Variants in ZDHHC24 observed in about 807,000 individuals in gnomAD.
The protein encoded by ZDHHC24 is zDHHC palmitoyltransferase 24, also known as probable palmitoyltransferase ZDHHC24.
ZDHHC24 carries 17 observed loss-of-function variants against 23.2 expected under a neutral mutation model. That is an observed-to-expected ratio of 0.73 (90% CI 0.50 to 1.10). The LOEUF (loss-of-function observed/expected upper bound fraction) is 1.10, where lower values mean the gene tolerates loss of function less well. ZDHHC24 is among the 50% of genes least tolerant of loss of function. The pLI, the probability that ZDHHC24 is intolerant of heterozygous loss-of-function variation, is 0.00. For synonymous variants in ZDHHC24, 186 were observed against 194.5 expected (o/e 0.96, Z 0.36); for missense variants, 366 against 393.0 (o/e 0.93, Z 0.58).
At chr11:66,520,843 C>T (rs1189842241), downstream of ZDHHC24, 2 of 301,688 alleles carry the variant, frequency 6.6e-6, no homozygotes, top group Non-Finnish European at 1.3e-5. Flanking sequence ...AAACAGTCCT[C>T]TCACCTCATC....
chr11:66,534,317 C>T (rs915936080), downstream of ZDHHC24, among the ~76,000 whole-genome samples: 18 of 151,618 alleles, frequency 1.2e-4, no homozygotes, highest in Admixed American at 7.9e-4. Flanking sequence ...GTGGCAGGCG[C>T]GTGTAATCCC....
At chr11:66,526,991 C>T in exon 4 of ZDHHC24, 2 of 1,540,164 alleles carry the variant, frequency 1.3e-6, no homozygotes, top group South Asian at 2.4e-5. Flanking sequence ...ATCACTGTTC[C>T]TCAGGCTGGA....
chr11:66,524,958 T>A (rs1207649077), intron 4 of ZDHHC24, among the ~76,000 whole-genome samples: 2 of 152,054 alleles, frequency 1.3e-5, no homozygotes, highest in Non-Finnish European at 2.9e-5. Context: ...CCCAGCACTT[T>A]GGGAGGCCGA....
rs746875134 is a variant in ZDHHC24, at chr11:66,523,577, G to C, written c.*22-2111C>G. On this transcript the variant is annotated intron_variant, in intron 4 of 4. Transcript: ENST00000526986. Reference sequence around the variant, plus strand: ...CAGCCTGCATGGCTTCACCCACAAGGTGCAGCCCCCAGCAAGCAGCAGCCC... The same window carrying C: ...CAGCCTGCATGGCTTCACCCACAAGCTGCAGCCCCCAGCAAGCAGCAGCCC... 6.2e-7 allele frequency: 1 copy of C among 1,614,016 alleles called. No individual in the cohort carries two copies. The highest frequency in any genetic ancestry group is 1.3e-5 in the African/African-American group (1 of 74,918).
rs1380769257 is a variant in ZDHHC24, at chr11:66,545,724, C to T, written c.280G>A (p.Ala94Thr). The T allele has an allele frequency of 1.9e-6, 3 of 1,555,624 alleles. No individual in the cohort carries two copies. Among genetic ancestry groups the T allele is most frequent in the East Asian group, 2.4e-5 (1 of 41,064 alleles). Residue 94 changes from alanine (A) to threonine (T), a missense_variant and splice_region_variant, in exon 1 of 3, where the codon GCT (alanine) becomes ACT (threonine). By Grantham distance (58) the Ala-to-Thr change is moderately conservative. Coordinates refer to ENST00000310442, the MANE Select transcript of ZDHHC24 (RefSeq NM_207340.3). This position sits in a 1 kb window ranked among gnomAD's most constrained non-coding sequence, Gnocchi z 4.5. ...CGCCCGATCCCGCACCCCACTCACG[C>T]CCAGCCCTGGCCCAGACCGCGGCCG... ...LAGRGLGQGW[A>T]YCYQCQSQVP...
chr11:66,527,456 G>A (rs1856566530), intron 3 of ZDHHC24: 3 of 234,934 alleles, frequency 1.3e-5, no homozygotes, highest in Non-Finnish European at 1.7e-5. Context: ...AGATCATGAG[G>A]TCAGGAGTTC....
downstream of ZDHHC24, chr11:66,531,873 C>G (rs1382421998): frequency 3.8e-6 from 6 of 1,588,934 alleles, no homozygotes; most frequent in Admixed American, 5.5e-5. Context: ...AGCCCTGTGG[C>G]CTGTCATTAG....
At chr11:66,530,808 A>G (rs577998449), downstream of ZDHHC24, 132 of 1,573,100 alleles carry the variant, frequency 8.4e-5, no homozygotes, top group Admixed American at 3.2e-4. Context: ...ACATGAGGGC[A>G]TTGGTGGAAG....
At chr11:66,523,373 C>G in intron 4 of ZDHHC24, 1 of 1,596,454 alleles carries the variant, frequency 6.3e-7, no homozygotes, top group Non-Finnish European at 8.6e-7. Flanking sequence ...CAGGTGAGTC[C>G]ATGAGGTTTA....
exon 5 of ZDHHC24, chr11:66,521,139 A>C: frequency 1.3e-6 from 1 of 746,756 alleles, no homozygotes; most frequent in South Asian, 1.5e-5. Flanking sequence ...GAAAAACTGT[A>C]TGAGTTTAAA....
intron 4 of ZDHHC24, chr11:66,523,797 G>T: frequency 5.0e-6 from 8 of 1,613,586 alleles, no homozygotes; most frequent in Non-Finnish European, 6.8e-6. Context: ...CATTCCCGGG[G>T]CCTGCAGGCC....
rs200116631 is a variant in ZDHHC24 at position 66,526,807 on chromosome 11, G to A, written c.*21+129C>T. 39 of 1,614,216 alleles carry A rather than the reference G, an allele frequency of 2.4e-5. No individual in the cohort carries two copies. The highest frequency in any genetic ancestry group is 1.8e-4 in the South Asian group (16 of 91,086). On this transcript the variant is annotated intron_variant, in intron 4 of 4. Transcript: ENST00000526986. ...ACTGCGAGAGCGGGAGGCTGGCACC[G>A]GTGAGCCTCAGACTGGGTCCTTTCC...
chr11:66,530,115 C>A (rs575589435), intron 2 of ZDHHC24, among the ~76,000 whole-genome samples: 5 of 152,286 alleles, frequency 3.3e-5, no homozygotes, highest in African/African-American at 1.2e-4. Context: ...CTCATGTCCT[C>A]CTTTGTGAGA....
chr11:66,521,528 G>A (rs1174929230), intron 4 of ZDHHC24: 7 of 706,160 alleles, frequency 9.9e-6, no homozygotes, highest in Admixed American at 4.1e-5. Flanking sequence ...CACAAACACA[G>A]GGGAGGATAC....
At chr11:66,524,373 G>T in intron 4 of ZDHHC24, 1 of 256,406 alleles carries the variant, frequency 3.9e-6, no homozygotes, top group Non-Finnish European at 7.7e-6. Flanking sequence ...CTTGTTTTCA[G>T]GAGGCTTACA....
intron 3 of ZDHHC24, among the ~76,000 whole-genome samples, chr11:66,528,812 C>CA (rs1212572373): frequency 6.6e-5 from 10 of 151,692 alleles, no homozygotes; most frequent in African/African-American, 9.7e-5. Flanking sequence ...CTACTAAATA[C>CA]AAAAAATTAG....
intron 3 of ZDHHC24, chr11:66,527,042 A>G (rs1856544103): frequency 6.5e-7 from 1 of 1,534,236 alleles, no homozygotes; most frequent in Non-Finnish European, 8.7e-7. Context: ...GAATTCAGGG[A>G]AGGGAGCAGT....
chr11:66,526,325 T>A, intron 4 of ZDHHC24: 2 of 930,612 alleles, frequency 2.1e-6, no homozygotes, highest in Non-Finnish European at 3.3e-6. Flanking sequence ...TACAGAAGTG[T>A]CCTTCTGGAG....
intron 4 of ZDHHC24, chr11:66,523,578 T>C: frequency 6.2e-7 from 1 of 1,614,096 alleles, no homozygotes; most frequent in Non-Finnish European, 8.5e-7. Context: ...ACCCACAAGG[T>C]GCAGCCCCCA....
Sources: gnomAD v4.1 joint callset for allele counts (sites outside exome capture counted in the v4.1 genomes callset) on GRCh38, gnomAD v4.1.1 for gene constraint, Gnocchi (gnomAD v3.1) non-coding constraint, MANE v1.5 for transcripts, NCBI Gene and HGNC (gene_info 2026-07-23, HGNC 2026-07-21) for gene names.